Variants in PRKAA2 observed in about 807,000 individuals in gnomAD.
The protein encoded by PRKAA2 is 5'-AMP-activated protein kinase catalytic subunit alpha-2.
PRKAA2 carries 40 observed loss-of-function variants against 56.3 expected under a neutral mutation model. The ratio of observed to expected loss-of-function variants is 0.71; its 90% CI spans 0.55 to 0.92. PRKAA2 has a LOEUF of 0.92. Ranked by LOEUF, PRKAA2 falls within the 40% of genes least tolerant of loss-of-function variation. The probability of loss-of-function intolerance (pLI) is 0.00; values close to 1 mark genes in which losing one functional copy is unlikely to be tolerated. For missense variants in PRKAA2, 542 were observed against 686.9 expected (o/e 0.79, Z 2.36); for synonymous variants, 214 against 234.2 (o/e 0.91, Z 0.79).
Position 56,697,012 on chromosome 1 carries a change from A to ATTTTTTTTTTTTTTTTTTTTTTTTTT in PRKAA2, c.788+868_788+869insTTTTTTTTTTTTTTTTTTTTTTTTTT, listed in dbSNP as rs752842791. ...CCTTTTCATCATTAGCCAGCAAAGAATTTTTTTTTTTTTTTAAGGCAGGGT... is the reference window on the plus strand; with the variant it reads ...CCTTTTCATCATTAGCCAGCAAAGAATTTTTTTTTTTTTTTTTTTTTTTTTTTTTTTTTTTTTTTTTAAGGCAGGGT... On this transcript the variant is annotated intron_variant, in intron 6 of 8. Transcript: ENST00000371244. Among the ~76,000 whole-genome samples the ATTTTTTTTTTTTTTTTTTTTTTTTTT allele has an allele frequency of 5.2e-5, 3 of 57,870 alleles. 1 individual carries two copies. Among genetic ancestry groups the ATTTTTTTTTTTTTTTTTTTTTTTTTT allele is most frequent in the African/African-American group, 1.4e-4 (2 of 14,814 alleles). 38.0% of individuals were successfully genotyped at this position (57,870 alleles called of 152,430 possible). A position where few individuals can be genotyped will look rare whatever the true frequency, so the allele number is the denominator to read the frequency against.
At chr1:56,651,525 G>T (rs1643897590) in intron 1 of PRKAA2, among the ~76,000 whole-genome samples, 1 of 152,156 alleles carries the variant, frequency 6.6e-6, no homozygotes, top group Non-Finnish European at 1.5e-5. Context: ...CAAAGTCTCT[G>T]CTCTATGGAC....
Position 56,707,935 on chromosome 1 carries a change from G to A in PRKAA2, c.*222G>A, listed in dbSNP as rs1644343496. ...TTGTGCCTATGATAAATTCACATAG[G>A]CAATATCTTTAATAGGTTAATATCA... On this transcript the variant is annotated 3_prime_UTR_variant, in exon 9 of 9. Coordinates refer to ENST00000371244, the MANE Select transcript of PRKAA2 (RefSeq NM_006252.4). 2 of 564,226 alleles carry A rather than the reference G, an allele frequency of 3.5e-6. No homozygotes were observed. The highest frequency in any genetic ancestry group is 2.2e-5 in the South Asian group (1 of 45,960). 35.0% of individuals were successfully genotyped at this position (564,226 alleles called of 1,614,324 possible).
chr1:56,668,787 T>TA (rs919608138), intron 1 of PRKAA2, among the ~76,000 whole-genome samples: 14 of 152,304 alleles, frequency 9.2e-5, no homozygotes, highest in African/African-American at 1.9e-4. Context: ...TTGCCTGTGG[T>TA]AAAAAATGCT....
chr1:56,668,755 T>C (rs965011146), intron 1 of PRKAA2, among the ~76,000 whole-genome samples: 6 of 152,226 alleles, frequency 3.9e-5, no homozygotes, highest in African/African-American at 1.4e-4. Context: ...TTCCAAACTA[T>C]GCCTTATGAA....
At chr1:56,679,650 C>T (rs1430140081) in intron 2 of PRKAA2, among the ~76,000 whole-genome samples, 2 of 152,150 alleles carry the variant, frequency 1.3e-5, no homozygotes, top group Non-Finnish European at 2.9e-5. Flanking sequence ...TGTTGTACTT[C>T]AGCTGTTTCC....
At position 56,708,324 on chromosome 1, in the gene PRKAA2, G is replaced by A. The variant is rs1445019476; in HGVS notation, c.*611G>A. ...ATGTAACAGGTAACCACAATTTTCA[G>A]GTTTCTTAAAAACAGCTGTAACTAA... is the stretch of plus-strand genomic sequence containing the variant. On this transcript the variant is annotated 3_prime_UTR_variant, in exon 9 of 9. Transcript: ENST00000371244. 2 of 151,992 alleles carry A rather than the reference G, an allele frequency of 1.3e-5. No individual in the cohort carries two copies. The highest frequency in any genetic ancestry group is 4.8e-5 in the African/African-American group (2 of 41,380). The allele number at this position is 151,992 out of a possible 1,614,324, so 9.4% of individuals were successfully genotyped here.
intron 1 of PRKAA2, among the ~76,000 whole-genome samples, chr1:56,672,112 T>C (rs1045435511): frequency 6.6e-6 from 1 of 152,002 alleles, no homozygotes; most frequent in African/African-American, 2.4e-5. Context: ...TGTGGTTTTT[T>C]TGTTTTTGTT....
intron 2 of PRKAA2, among the ~76,000 whole-genome samples, chr1:56,684,354 A>G (rs780409538): frequency 7.2e-5 from 11 of 152,202 alleles, no homozygotes; most frequent in Middle Eastern, 3.4e-3. Flanking sequence ...TCTGGAGTTC[A>G]GGGGAGAGGT....
chr1:56,691,357 A>G (rs1350419936), intron 2 of PRKAA2, 37 bp from the exon 3 acceptor site: 2 of 1,516,800 alleles, frequency 1.3e-6, no homozygotes, highest in Non-Finnish European at 1.8e-6. Flanking sequence ...TGGTTAAAGT[A>G]ACATACTTTG....
chr1:56,684,859 A>G (rs191227746), intron 2 of PRKAA2, among the ~76,000 whole-genome samples: 1 of 152,302 alleles, frequency 6.6e-6, no homozygotes, highest in Non-Finnish European at 1.5e-5. Context: ...GAGGAGTCTA[A>G]ACAAGGTTAG....
intron 1 of PRKAA2, among the ~76,000 whole-genome samples, chr1:56,657,675 C>T (rs1643957016): frequency 1.3e-5 from 2 of 150,366 alleles, no homozygotes; most frequent in African/African-American, 2.4e-5. Context: ...GACTCCATCT[C>T]AAAATAAATA....
At chr1:56,706,563 G>C (rs1644333651) in intron 8 of PRKAA2, among the ~76,000 whole-genome samples, 1 of 152,184 alleles carries the variant, frequency 6.6e-6, no homozygotes, top group South Asian at 2.1e-4. Flanking sequence ...TTATTAGTTA[G>C]TATTATAGTG....
At chr1:56,701,054 T>G (rs1011693376) in intron 6 of PRKAA2, among the ~76,000 whole-genome samples, 1 of 152,208 alleles carries the variant, frequency 6.6e-6, no homozygotes, top group African/African-American at 2.4e-5. Flanking sequence ...AAAAATTGAT[T>G]TTCACAGTTT....
chr1:56,700,248 T>G (rs1644285476), intron 6 of PRKAA2, among the ~76,000 whole-genome samples: 1 of 152,210 alleles, frequency 6.6e-6, no homozygotes, highest in Admixed American at 6.5e-5. Flanking sequence ...CAGCTAGTGA[T>G]TAGATAACAA....
intron 1 of PRKAA2, among the ~76,000 whole-genome samples, chr1:56,674,018 G>A: frequency 6.6e-6 from 1 of 152,272 alleles, no homozygotes; most frequent in South Asian, 2.1e-4. Flanking sequence ...GCATTAAACA[G>A]AAGAAGAGAA....
chr1:56,705,431 G>A (rs1001959947), intron 7 of PRKAA2, among the ~76,000 whole-genome samples: 4 of 151,952 alleles, frequency 2.6e-5, no homozygotes, highest in Non-Finnish European at 5.9e-5. Flanking sequence ...TTGAGACAGG[G>A]TCTCACTCTG....
At chr1:56,666,311 TAAC>T (rs1197696240) in intron 1 of PRKAA2, among the ~76,000 whole-genome samples, 5 of 152,242 alleles carry the variant, frequency 3.3e-5, no homozygotes, top group African/African-American at 1.2e-4. Flanking sequence ...AGGAGATCAG[TAAC>T]AACAACAGCA....
At chr1:56,694,412 AC>A (rs1644246170) in intron 5 of PRKAA2, among the ~76,000 whole-genome samples, 1 of 152,204 alleles carries the variant, frequency 6.6e-6, no homozygotes, top group Admixed American at 6.5e-5. Context: ...TTAAAAGTTA[AC>A]AGAATCCTAT....
intron 6 of PRKAA2, among the ~76,000 whole-genome samples, chr1:56,703,348 C>T (rs1371803851): frequency 6.6e-6 from 1 of 152,016 alleles, no homozygotes; most frequent in East Asian, 1.9e-4. Flanking sequence ...AATAATACAT[C>T]TTTCATGAAA....
Sources: allele counts gnomAD v4.1 joint callset (sites outside exome capture counted in the v4.1 genomes callset), GRCh38; gene constraint gnomAD v4.1.1; transcripts MANE v1.5; gene names NCBI Gene and HGNC (gene_info 2026-07-23, HGNC 2026-07-21).